The following ZNF140 variants were observed in gnomAD, a reference collection of about 807,000 sequenced individuals.
ZNF140 encodes the protein zinc finger protein 140.
In ZNF140, 13 loss-of-function variants were observed where a neutral mutation model predicts 12.9. The ratio of observed to expected loss-of-function variants is 1.01; its 90% CI spans 0.66 to 1.60. ZNF140 has a LOEUF of 1.60. Among genes scored for constraint, ZNF140 ranks in the 40% most tolerant of loss-of-function variants. The pLI, the probability that ZNF140 is intolerant of heterozygous loss-of-function variation, is 0.00. For synonymous variants in ZNF140, 214 were observed against 186.7 expected (o/e 1.15, Z -1.19); for missense variants, 531 against 548.8 (o/e 0.97, Z 0.32).
intron 4 of ZNF140, among the ~76,000 whole-genome samples, chr12:133,101,685 T>C (rs1301469226): frequency 6.6e-6 from 1 of 152,176 alleles, no homozygotes; most frequent in Non-Finnish European, 1.5e-5. Context: ...CCTTGTGATC[T>C]GCCAGCCTCC....
rs1954490088 is a variant in ZNF140, at chr12:133,081,372, A to ATATATAT, written c.9+43_9+44insTATATAT. ...AAATATATATATATATATATATATA[A>ATATATAT]ATTTTTATTTTTTTTTTAAGAGAGA... On this transcript the variant is annotated intron_variant, in intron 2 of 4. Transcript: ENST00000355557. 395 of 108,136 alleles carry ATATATAT rather than the reference A, an allele frequency of 3.7e-3. 5 individuals carry two copies. The highest frequency in any genetic ancestry group is 0.017 in the African/African-American group (245 of 14,264). 6.7% of individuals were successfully genotyped at this position (108,136 alleles called of 1,614,324 possible).
rs1257107741 is a variant in ZNF140 at position 133,106,662 on chromosome 12, C to CAAAG, written c.*15_*18dup. On this transcript the variant is annotated 3_prime_UTR_variant, in exon 5 of 5. Transcript: ENST00000355557. ...ACTGAACACCAGTGAATTTACACTGCAAAGAAAAACTATGAATGTATGGAA... is the reference window on the plus strand; with the variant it reads ...ACTGAACACCAGTGAATTTACACTGCAAAGAAAGAAAAACTATGAATGTATGGAA... The CAAAG allele has an allele frequency of 6.5e-7, 1 of 1,547,578 alleles. No homozygotes were observed. The highest frequency in any genetic ancestry group is 2.3e-5 in the East Asian group (1 of 44,428).
chr12:133,092,581 T>C (rs921612435), intron 4 of ZNF140, among the ~76,000 whole-genome samples: 1 of 151,336 alleles, frequency 6.6e-6, no homozygotes, highest in African/African-American at 2.4e-5. Context: ...TGAGCTTCCA[T>C]AATTTTGGGT....
In ZNF140 at chr12:133,106,438, T is replaced by C. The variant is rs752972513; in HGVS notation, c.1161T>C (p.Cys387=). The change falls in exon 5 of 5, where the codon TGT becomes TGC. Residue 387 remains cysteine, a synonymous_variant. Transcript: ENST00000355557. ...ACACTGGAGAGAAACCCTATGCGTG[T>C]GCTGAATGTGATAAAGCCTTCAGCC... The part of the protein sequence containing the change: ...KSHTGEKPYA[C]AECDKAFSRS... The C allele has an allele frequency of 1.5e-5, 25 of 1,614,116 alleles. No homozygotes were observed. Among genetic ancestry groups the C allele is most frequent in the Non-Finnish European group, 2.1e-5 (25 of 1,180,002 alleles).
chr12:133,100,261 G>C (rs1955297845), intron 4 of ZNF140, among the ~76,000 whole-genome samples: 1 of 141,626 alleles, frequency 7.1e-6, no homozygotes, highest in Non-Finnish European at 1.5e-5. Context: ...TCGAGCTCCT[G>C]GGCTTAAGCG....
intron 2 of ZNF140, chr12:133,082,889 G>A: frequency 3.6e-6 from 2 of 561,316 alleles, no homozygotes; most frequent in Non-Finnish European, 5.9e-6. Context: ...ATTATCTCAG[G>A]ACAGATAATT....
chr12:133,092,628 G>A (rs890721752), intron 4 of ZNF140, among the ~76,000 whole-genome samples: 37 of 151,216 alleles, frequency 2.4e-4, no homozygotes, highest in Non-Finnish European at 3.7e-4. Flanking sequence ...AACTTTGGTC[G>A]GGGTGATGAA....
At chr12:133,080,778 A>G (rs1954441978), upstream of ZNF140, 1 of 152,320 alleles carries the variant, frequency 6.6e-6, no homozygotes, top group Non-Finnish European at 1.5e-5. Flanking sequence ...GTAGGAACGA[A>G]AAGCCCTTGC....
chr12:133,083,957 C>A (rs1424807849), intron 4 of ZNF140, among the ~76,000 whole-genome samples: 4 of 148,200 alleles, frequency 2.7e-5, no homozygotes, highest in African/African-American at 9.9e-5. Flanking sequence ...AAGACTCCAT[C>A]TCAAAAAAAA....
At chr12:133,094,197 G>A (rs1954989816) in intron 4 of ZNF140, among the ~76,000 whole-genome samples, 1 of 149,394 alleles carries the variant, frequency 6.7e-6, no homozygotes. Context: ...ACAACAGTCT[G>A]AAAACTTGTC....
chr12:133,084,139 G>T, intron 4 of ZNF140: 1 of 431,088 alleles, frequency 2.3e-6, no homozygotes, highest in Non-Finnish European at 4.6e-6. Context: ...CCCATTGTTA[G>T]TTCTGTCTGG....
At chr12:133,080,783 C>A (rs1276059500), upstream of ZNF140, 2 of 152,320 alleles carry the variant, frequency 1.3e-5, no homozygotes, top group African/African-American at 4.8e-5. Flanking sequence ...AACGAAAAGC[C>A]CTTGCGCGCA....
At chr12:133,090,220 A>G (rs1484279654) in intron 4 of ZNF140, among the ~76,000 whole-genome samples, 1 of 152,136 alleles carries the variant, frequency 6.6e-6, no homozygotes, top group African/African-American at 2.4e-5. Flanking sequence ...GCTCACTGCA[A>G]CGTAAATTTC....
intron 4 of ZNF140, among the ~76,000 whole-genome samples, chr12:133,092,493 T>C (rs1954927460): frequency 6.6e-6 from 1 of 151,230 alleles, no homozygotes; most frequent in Non-Finnish European, 1.5e-5. Flanking sequence ...TTTAGGTTAA[T>C]AGTGTAATAT....
At chr12:133,083,319 A>G (rs1262882976) in intron 3 of ZNF140, 90 bp downstream of exon 3, 4 of 1,519,642 alleles carry the variant, frequency 2.6e-6, no homozygotes, top group Non-Finnish European at 3.5e-6. Context: ...CAAGAGAGGT[A>G]TGGGGTTTCT....
Position 133,105,864 on chromosome 12 carries a change from A to G in ZNF140, c.587A>G (p.Lys196Arg). The change falls in exon 5 of 5, where the codon AAA becomes AGA. Residue 196 changes from lysine to arginine, a missense_variant. Physicochemically the swap from Lys to Arg is conservative, Grantham distance 26. Transcript: ENST00000355557. The stretch of plus-strand genomic sequence containing the variant: ...CCATATGCATGTAAGGAATGTGGCA[A>G]AACCTTTAGCCAGATTTCAAACCTT... ...EKPYACKECG[K>R]TFSQISNLVK... is the part of the protein sequence containing the mutation. 2 of 1,614,194 alleles carry G rather than the reference A, an allele frequency of 1.2e-6. No individual in the cohort carries two copies. The highest frequency in any genetic ancestry group is 1.7e-6 in the Non-Finnish European group (2 of 1,180,050).
At chr12:133,098,354 A>G (rs1955215331) in intron 4 of ZNF140, among the ~76,000 whole-genome samples, 1 of 151,658 alleles carries the variant, frequency 6.6e-6, no homozygotes, top group Admixed American at 6.6e-5. Context: ...CTCCTGCCTC[A>G]ACCTCCATAG....
intron 4 of ZNF140, among the ~76,000 whole-genome samples, chr12:133,084,684 A>G (rs1485639409): frequency 2.0e-5 from 3 of 152,208 alleles, no homozygotes; most frequent in African/African-American, 7.2e-5. Context: ...ATGGAGGTAC[A>G]CTGATTTTTA....
At chr12:133,100,166 T>G (rs968015375) in intron 4 of ZNF140, among the ~76,000 whole-genome samples, 10 of 130,612 alleles carry the variant, frequency 7.7e-5, no homozygotes, top group South Asian at 2.5e-4. Flanking sequence ...TTCCGTTTTT[T>G]TTTTTTTTTT....
Sources: gnomAD v4.1 joint callset for allele counts (sites outside exome capture counted in the v4.1 genomes callset) on GRCh38, gnomAD v4.1.1 for gene constraint, MANE v1.5 for transcripts, NCBI Gene and HGNC (gene_info 2026-07-23, HGNC 2026-07-21) for gene names.